The following SWT1 variants were observed in gnomAD, a reference collection of about 807,000 sequenced individuals.
SWT1 encodes the protein transcriptional protein SWT1.
In SWT1, 33 loss-of-function variants were observed where a neutral mutation model predicts 107.3. The ratio of observed to expected loss-of-function variants is 0.31; its 90% CI spans 0.23 to 0.41. The LOEUF (loss-of-function observed/expected upper bound fraction) is 0.41. SWT1 is among the 10% of genes least tolerant of loss of function. The pLI, the probability that SWT1 is intolerant of heterozygous loss-of-function variation, is 1.00. For missense variants in SWT1, 898 were observed against 1,028.9 expected (o/e 0.87, Z 1.74); for synonymous variants, 345 against 348.3 (o/e 0.99, Z 0.11).
At chr1:185,272,903 G>T (rs1349710533) in intron 17 of SWT1, among the ~76,000 whole-genome samples, 1 of 151,938 alleles carries the variant, frequency 6.6e-6, no homozygotes, top group African/African-American at 2.4e-5. Flanking sequence ...CGGCATGGTG[G>T]CATGCACCTG....
intron 16 of SWT1, among the ~76,000 whole-genome samples, chr1:185,243,987 A>G (rs1426180337): frequency 6.6e-6 from 1 of 152,166 alleles, no homozygotes; most frequent in Non-Finnish European, 1.5e-5. Context: ...ATAGTATAGA[A>G]TGTATCGATC....
At chr1:185,274,666 G>A (rs1250708070) in intron 17 of SWT1, among the ~76,000 whole-genome samples, 1 of 152,068 alleles carries the variant, frequency 6.6e-6, no homozygotes, top group Admixed American at 6.6e-5. Flanking sequence ...TTTACTGTAA[G>A]TAGTACAGCT....
rs370413370 is a variant in SWT1 at position 185,214,625 on chromosome 1, A to C, written c.2091A>C (p.Gln697His). ...GTATTCTTCCACAGACCTTTGCTCA[A>C]GTAAACAACCTCCTTCAGACATTTG... ...YDGILPQTFA[Q>H]VNNLLQTFAE... The change falls in exon 14 of 19, where the codon CAA becomes CAC. Residue 697 changes from glutamine (Q) to histidine (H), a missense_variant. By Grantham distance (24) the Gln-to-His change is conservative (BLOSUM62 0). Transcript: ENST00000367500. The C allele has an allele frequency of 3.7e-6, 6 of 1,611,132 alleles. No homozygotes were observed. Among genetic ancestry groups the C allele is most frequent in the Non-Finnish European group, 4.2e-6 (5 of 1,178,802 alleles).
chr1:185,202,803 G>A lies in SWT1; in HGVS notation c.1669+4G>A. Reference sequence around the variant, plus strand: ...CCTAAGCAACAGTTGAAAGCAGGTAGTATTTTTACTATAAATAATTAGAGA... The same window carrying A: ...CCTAAGCAACAGTTGAAAGCAGGTAATATTTTTACTATAAATAATTAGAGA... On this transcript the variant is annotated splice_donor_region_variant and intron_variant, in intron 11 of 18. Coordinates refer to ENST00000367500, the MANE Select transcript of SWT1 (RefSeq NM_017673.7). 6.8e-7 allele frequency: 1 copy of A among 1,467,746 alleles called. No homozygotes were observed. The highest frequency in any genetic ancestry group is 9.1e-7 in the Non-Finnish European group (1 of 1,093,254). The allele number at this position is 1,467,746 out of a possible 1,614,324, so 90.9% of individuals were successfully genotyped here.
Position 185,214,608 on chromosome 1 carries a change from C to T in SWT1, c.2074C>T (p.Pro692Ser). ...STRSNYDGIL[P>S]QTFAQVNNLL... ...AAGGTCAAATTATGATGGTATTCTT[C>T]CACAGACCTTTGCTCAAGTAAACAA... Residue 692 changes from proline (P) to serine (S), a missense_variant, in exon 14 of 19, where the codon CCA (proline) becomes TCA (serine). Pro to Ser is a moderately conservative substitution (Grantham distance 74). Around this residue, in one of 6 missense-constraint regions of SWT1, gnomAD observed 382 missense variants for 460.0 expected, o/e 0.83. Transcript: ENST00000367500. The T allele has an allele frequency of 6.2e-7, 1 of 1,611,832 alleles. No homozygotes were observed. Among genetic ancestry groups the T allele is most frequent in the Non-Finnish European group, 8.5e-7 (1 of 1,178,958 alleles).
rs1191494461 is a variant in SWT1 at position 185,174,502 on chromosome 1, G to A, written c.355G>A (p.Gly119Arg). The A allele has an allele frequency of 6.8e-6, 11 of 1,609,876 alleles. No homozygotes were observed. The South Asian group carries it at 1.0e-4, about 15-fold the overall frequency. ...TATTTTGCAGAGTCCTTCTTCAAAT[G>A]GAACTAAAAAAGACATACATAAATG... ...QIILQSPSSN[G>R]TKKDIHKCVD... Residue 119 changes from glycine to arginine, a missense_variant, in exon 5 of 19, where the codon GGA becomes AGA. Around this residue, in one of 6 missense-constraint regions of SWT1, gnomAD observed 382 missense variants for 362.4 expected, o/e 1.05. Transcript: ENST00000367500.
intron 4 of SWT1, among the ~76,000 whole-genome samples, chr1:185,170,990 G>A (rs1026413587): frequency 2.0e-5 from 3 of 152,010 alleles, no homozygotes; most frequent in Non-Finnish European, 4.4e-5. Context: ...ATCATTTTTT[G>A]AGAAAAGCAC....
intron 1 of SWT1, among the ~76,000 whole-genome samples, chr1:185,157,824 CG>C (rs1275586025): frequency 6.6e-6 from 1 of 152,134 alleles, no homozygotes; most frequent in Admixed American, 6.5e-5. Flanking sequence ...GGTAGAGCTT[CG>C]GGGCATTTAA....
chr1:185,186,390 T>C (rs1382504239), intron 9 of SWT1, among the ~76,000 whole-genome samples: 1 of 152,190 alleles, frequency 6.6e-6, no homozygotes, highest in Non-Finnish European at 1.5e-5. Context: ...TGAATAAGCC[T>C]AAGGATAATA....
At chr1:185,248,154 A>G (rs1461085916) in intron 16 of SWT1, among the ~76,000 whole-genome samples, 2 of 152,214 alleles carry the variant, frequency 1.3e-5, no homozygotes, top group African/African-American at 4.8e-5. Flanking sequence ...CCTGTAATGT[A>G]TTTCCCGTAT....
chr1:185,213,286 C>T (rs1658970734), intron 13 of SWT1, among the ~76,000 whole-genome samples: 1 of 152,180 alleles, frequency 6.6e-6, no homozygotes, highest in Non-Finnish European at 1.5e-5. Context: ...ACAGTCTGTC[C>T]TGTGTGTAGC....
intron 15 of SWT1, chr1:185,227,634 G>A (rs78252220): frequency 0.013 from 7,303 of 561,424 alleles, 407 homozygotes; most frequent in African/African-American, 0.12. Context: ...CCTTCTCGTC[G>A]TCTTCTACAT....
At chr1:185,248,352 A>AT (rs1422311495) in intron 16 of SWT1, among the ~76,000 whole-genome samples, 1 of 152,200 alleles carries the variant, frequency 6.6e-6, no homozygotes, top group Non-Finnish European at 1.5e-5. Flanking sequence ...AAATACATGG[A>AT]TTTTCAGAGA....
intron 16 of SWT1, among the ~76,000 whole-genome samples, chr1:185,265,761 G>A (rs376500360): frequency 3.3e-5 from 5 of 152,146 alleles, no homozygotes; most frequent in East Asian, 1.9e-4. Flanking sequence ...GTGGATGCTC[G>A]ATAAATGATT....
intron 8 of SWT1, 136 bp from the exon 9 acceptor site, chr1:185,184,607 T>C (rs1656297172): frequency 8.3e-6 from 5 of 604,540 alleles, no homozygotes; most frequent in Non-Finnish European, 1.4e-5. Flanking sequence ...TTTTATAATA[T>C]ATTGTCTCTC....
At chr1:185,186,047 G>A (rs1390321638) in intron 9 of SWT1, among the ~76,000 whole-genome samples, 2 of 152,054 alleles carry the variant, frequency 1.3e-5, no homozygotes, top group African/African-American at 4.8e-5. Context: ...GCATAACCCG[G>A]GGGAAGTTAA....
intron 16 of SWT1, among the ~76,000 whole-genome samples, chr1:185,258,405 T>C (rs59611551): frequency 0.039 from 5,984 of 152,280 alleles, 289 homozygotes; most frequent in African/African-American, 0.096. Context: ...TGCTTATTTA[T>C]CATGCTTTAT....
chr1:185,231,528 A>G, intron 15 of SWT1, 49 bp from the exon 16 acceptor site: 1 of 1,352,718 alleles, frequency 7.4e-7, no homozygotes, highest in South Asian at 1.3e-5. Flanking sequence ...CTTGAATTAC[A>G]TTAAATATGT....
At chr1:185,263,920 T>C (rs1265971257) in intron 16 of SWT1, 1 of 152,204 alleles carries the variant, frequency 6.6e-6, no homozygotes, top group Non-Finnish European at 1.5e-5. Flanking sequence ...CTTCAACATA[T>C]TGATATTGGA....
Sources: gnomAD v4.1 joint callset for allele counts (sites outside exome capture counted in the v4.1 genomes callset) on GRCh38, gnomAD v4.1.1 for gene constraint, gnomAD v4.1.1 regional missense constraint, MANE v1.5 for transcripts, NCBI Gene and HGNC (gene_info 2026-07-23, HGNC 2026-07-21) for gene names.